Variants in TNIK observed in about 807,000 individuals in gnomAD.
The protein encoded by TNIK is TRAF2 and NCK interacting kinase, also known as TRAF2 and NCK-interacting protein kinase.
In TNIK, 49 loss-of-function variants were observed where a neutral mutation model predicts 191.3. The observed-to-expected ratio is 0.26, with a 90% CI of 0.20 to 0.32. The LOEUF is 0.32. TNIK is among the 10% of genes least tolerant of loss of function. The pLI is 1.00. For synonymous variants in TNIK, 594 were observed against 600.9 expected (o/e 0.99, Z 0.17); for missense variants, 1,155 against 1,702.3 (o/e 0.68, Z 5.66).
Position 171,289,735 on chromosome 3 carries a change from C to T in TNIK, c.124-61514G>A, listed in dbSNP as rs376969535. Among the ~76,000 whole-genome samples, 111 of 152,078 alleles carry T rather than the reference C, an allele frequency of 7.3e-4. 1 individual carries two copies. In the South Asian group the frequency reaches 0.021, roughly 29 times the overall value. On this transcript the variant is annotated intron_variant, in intron 2 of 32. Transcript: ENST00000436636. ...TGGCCAACATGGCAAAACCCCGTCT[C>T]TACTAAAAATATGAAAATTAGCCAG...
intron 2 of TNIK, among the ~76,000 whole-genome samples, chr3:171,272,700 CTG>C (rs1385594728): frequency 6.6e-6 from 1 of 151,910 alleles, no homozygotes; most frequent in Non-Finnish European, 1.5e-5. Context: ...ATTTCAATCT[CTG>C]TTAAATTTCT....
chr3:171,373,678 T>A (rs12497082), intron 1 of TNIK, among the ~76,000 whole-genome samples: 34,071 of 152,110 alleles, frequency 0.22, 4,913 homozygotes, highest in East Asian at 0.52. Flanking sequence ...CTGGCCTCGA[T>A]TCCCAGCCTT....
chr3:171,374,522 A>G (rs1559990890), intron 1 of TNIK, among the ~76,000 whole-genome samples: 1 of 152,246 alleles, frequency 6.6e-6, no homozygotes, highest in Non-Finnish European at 1.5e-5. Context: ...AAAGTTACAT[A>G]CACCAAGGAG....
chr3:171,315,790 T>C (rs1432405171), intron 2 of TNIK, among the ~76,000 whole-genome samples: 1 of 152,122 alleles, frequency 6.6e-6, no homozygotes, highest in African/African-American at 2.4e-5. Context: ...GTCTGTCTTT[T>C]CTCCTCTTCT....
At chr3:171,352,524 C>T (rs1221799833) in intron 2 of TNIK, among the ~76,000 whole-genome samples, 1 of 152,202 alleles carries the variant, frequency 6.6e-6, no homozygotes, top group Non-Finnish European at 1.5e-5. Context: ...TCTGCAAAGC[C>T]TCTCCAACTC....
intron 2 of TNIK, among the ~76,000 whole-genome samples, chr3:171,259,848 C>T (rs553453105): frequency 6.6e-6 from 1 of 152,328 alleles, no homozygotes; most frequent in African/African-American, 2.4e-5. Flanking sequence ...CATCCCTCTT[C>T]TTGCCCTCAT....
rs559370666 is a variant in TNIK, at chr3:171,412,890, A to G, written c.58-43205T>C. On this transcript the variant is annotated intron_variant, in intron 1 of 32. Coordinates refer to ENST00000436636, the MANE Select transcript of TNIK (RefSeq NM_015028.4). ...TAACTATTTTTTTGTTATGCAGACCAGAGGGAACACAGCCAAGCTAGCAAA... is the reference window on the plus strand; with the variant it reads ...TAACTATTTTTTTGTTATGCAGACCGGAGGGAACACAGCCAAGCTAGCAAA... Among the ~76,000 whole-genome samples the G allele has an allele frequency of 7.9e-5, 12 of 152,368 alleles. No homozygotes were observed. In the East Asian group the frequency reaches 1.3e-3, roughly 17 times the overall value.
chr3:171,074,470 A>G (rs1039677555), intron 28 of TNIK, among the ~76,000 whole-genome samples: 1 of 152,152 alleles, frequency 6.6e-6, no homozygotes, highest in African/African-American at 2.4e-5. Flanking sequence ...CAATATACCC[A>G]TGAAACAAAC....
At chr3:171,216,318 T>C (rs1741446398) in intron 3 of TNIK, among the ~76,000 whole-genome samples, 2 of 152,228 alleles carry the variant, frequency 1.3e-5, no homozygotes. Flanking sequence ...CATTTATTTG[T>C]TTAAAGCAAT....
chr3:171,248,885 G>T (rs997580933), intron 2 of TNIK, among the ~76,000 whole-genome samples: 4 of 152,292 alleles, frequency 2.6e-5, no homozygotes, highest in African/African-American at 9.6e-5. Flanking sequence ...TATTGACCTT[G>T]TCATACAAAA....
Position 171,130,976 on chromosome 3 carries a change from TAAAG to T in TNIK, c.1609-2102_1609-2099del, listed in dbSNP as rs143558661. Among the ~76,000 whole-genome samples the T allele has an allele frequency of 2.6e-3, 390 of 152,276 alleles. 5 individuals are homozygous for T. In the East Asian group the frequency reaches 0.031, roughly 12 times the overall value. On this transcript the variant is annotated intron_variant, in intron 15 of 32. Transcript: ENST00000436636. ...TTGGGCAAAGAAACCATTTTTGAGA[TAAAG>T]AAAGAATTCTTTTGGGAAGTGTCAG...
chr3:171,460,024 C>A lies in TNIK; in HGVS notation c.40G>T (p.Asp14Tyr). The A allele has an allele frequency of 6.2e-7, 1 of 1,609,210 alleles. No homozygotes were observed. The highest frequency in any genetic ancestry group is 8.5e-7 in the Non-Finnish European group (1 of 1,177,850). ...CTGCTCACCCTCAGAGCCGAGAGAT[C>A]TATTTCATCCAGGCTTCGAGCCGGG... The part of the protein sequence containing the change: ...DSPARSLDEI[D>Y]LSALRDPAGI... Residue 14 changes from aspartate to tyrosine, a missense_variant, in exon 1 of 33, where the codon GAT becomes TAT. This residue lies in a region of TNIK where 225 missense variants were observed against 438.9 expected (regional missense o/e 0.51). Coordinates refer to ENST00000436636, the MANE Select transcript of TNIK (RefSeq NM_015028.4). The surrounding 1 kb of genome is among the most constrained non-coding windows in gnomAD (Gnocchi z 6.8).
chr3:171,240,329 G>A (rs1049764677), intron 2 of TNIK, among the ~76,000 whole-genome samples: 2 of 152,178 alleles, frequency 1.3e-5, no homozygotes, highest in East Asian at 3.8e-4. Context: ...TGGAGGTTAC[G>A]AGGAAAGGCT....
chr3:171,282,268 C>A (rs892198013), intron 2 of TNIK, among the ~76,000 whole-genome samples: 2 of 151,240 alleles, frequency 1.3e-5, no homozygotes, highest in Non-Finnish European at 2.9e-5. Context: ...TGACTTGGTG[C>A]ACAGCCAGAA....
rs1343121179 is a variant in TNIK, at chr3:171,351,269, ATATG to A, written c.123+18347_123+18350del. Reference sequence around the variant, plus strand: ...AGAGAAAATATATATATATATGTATATATGTGTGTGTGTGTGTGTATGAATGCAT... The same window carrying A: ...AGAGAAAATATATATATATATGTATATGTGTGTGTGTGTGTATGAATGCAT... On this transcript the variant is annotated intron_variant, in intron 2 of 32. Transcript: ENST00000436636. 1.5e-3 allele frequency among the ~76,000 whole-genome samples: 225 copies of A among 147,052 alleles called. 1 individual carries two copies. The highest frequency in any genetic ancestry group is 5.7e-3 in the African/African-American group (218 of 38,268).
intron 29 of TNIK, among the ~76,000 whole-genome samples, chr3:171,070,692 G>C (rs1719076963): frequency 1.3e-5 from 2 of 151,706 alleles, no homozygotes; most frequent in African/African-American, 4.9e-5. Context: ...ACTTAGACAA[G>C]GTAAAAAAAT....
At chr3:171,105,116 C>T (rs1023495324) in intron 21 of TNIK, among the ~76,000 whole-genome samples, 4 of 150,522 alleles carry the variant, frequency 2.7e-5, no homozygotes, top group Middle Eastern at 3.4e-3. Flanking sequence ...CAATAACAAG[C>T]GACAATATTT....
intron 3 of TNIK, among the ~76,000 whole-genome samples, chr3:171,218,365 C>T (rs560679285): frequency 2.2e-4 from 34 of 152,104 alleles, no homozygotes; most frequent in Admixed American, 1.6e-3. Flanking sequence ...AAGAAAACCA[C>T]GAATTAACAA....
intron 15 of TNIK, among the ~76,000 whole-genome samples, chr3:171,137,438 A>G (rs1458290010): frequency 6.6e-6 from 1 of 152,196 alleles, no homozygotes; most frequent in Non-Finnish European, 1.5e-5. Flanking sequence ...GATTGAACTG[A>G]AAACCAGCGT....
Sources: allele counts gnomAD v4.1 joint callset (sites outside exome capture counted in the v4.1 genomes callset), GRCh38; gene constraint gnomAD v4.1.1; regional missense constraint gnomAD v4.1.1; non-coding constraint Gnocchi (gnomAD v3.1); transcripts MANE v1.5; gene names NCBI Gene and HGNC (gene_info 2026-07-23, HGNC 2026-07-21).